ZMYM4: variants seen among roughly 807,000 people sequenced by gnomAD.
ZMYM4 encodes the protein zinc finger MYM-type protein 4.
ZMYM4 carries 31 observed loss-of-function variants against 183.2 expected under a neutral mutation model. That is an observed-to-expected ratio of 0.17 (90% CI 0.13 to 0.23). The LOEUF (loss-of-function observed/expected upper bound fraction) is 0.23. ZMYM4 is among the 10% of genes least tolerant of loss of function. ZMYM4 has a pLI of 1.00. For missense variants in ZMYM4, 1,273 were observed against 1,840.3 expected, an observed-to-expected ratio of 0.69 and a Z score of 5.64; for synonymous variants, 592 against 631.2, an observed-to-expected ratio of 0.94 and a Z score of 0.93.
intron 1 of ZMYM4, among the ~76,000 whole-genome samples, chr1:35,276,698 C>T (rs911737422): frequency 3.9e-5 from 6 of 152,092 alleles, no homozygotes; most frequent in African/African-American, 9.7e-5. Flanking sequence ...TCGTCCGTCT[C>T]CTGGGTTCAA....
At chr1:35,318,949 T>C (rs1192408651) in intron 1 of ZMYM4, among the ~76,000 whole-genome samples, 4 of 152,184 alleles carry the variant, frequency 2.6e-5, no homozygotes, top group African/African-American at 7.2e-5. Context: ...TGCAGTGGCA[T>C]GATGTTGGCT....
chr1:35,359,279 T>G lies in ZMYM4; in HGVS notation c.440T>G (p.Val147Gly). 3 of 1,607,956 alleles carry G rather than the reference T, an allele frequency of 1.9e-6. No individual in the cohort carries two copies. Among genetic ancestry groups the G allele is most frequent in the Non-Finnish European group, 2.5e-6 (3 of 1,178,350 alleles). Residue 147 changes from valine (V) to glycine (G), a missense_variant, in exon 3 of 30, where the codon GTC (valine) becomes GGC (glycine). This residue lies in a region of ZMYM4 where 384 missense variants were observed against 465.6 expected (regional missense o/e 0.82). Coordinates refer to ENST00000314607, the MANE Select transcript of ZMYM4 (RefSeq NM_005095.3). The stretch of plus-strand genomic sequence containing the variant: ...CCTAAACAATTTGATCAGGTTTCTG[T>G]CTTTAAATCAATACGGAAAGATTTT... ...DFPKQFDQVS[V>G]FKSIRKDFSL...
At chr1:35,408,904 GA>G (rs1459716782) in intron 26 of ZMYM4, among the ~76,000 whole-genome samples, 3 of 152,096 alleles carry the variant, frequency 2.0e-5, no homozygotes, top group Non-Finnish European at 2.9e-5. Flanking sequence ...ACTCCAAAGG[GA>G]AACCTCAAAC....
At chr1:35,312,526 C>G (rs1469254847) in intron 1 of ZMYM4, among the ~76,000 whole-genome samples, 1 of 152,186 alleles carries the variant, frequency 6.6e-6, no homozygotes, top group Non-Finnish European at 1.5e-5. Context: ...TTTTTAAAGT[C>G]TGCGTAGAAT....
At chr1:35,354,727 TAAAAAAAAAAAA>T (rs57493035) in intron 2 of ZMYM4, among the ~76,000 whole-genome samples, 4,381 of 84,172 alleles carry the variant, frequency 0.052, 319 homozygotes, top group East Asian at 0.34. Context: ...ACTTTGTCTT[TAAAAAAAAAAAA>T]AAAAAAAAAA....
At chr1:35,373,384 T>G (rs1279938814) in intron 7 of ZMYM4, among the ~76,000 whole-genome samples, 1 of 149,254 alleles carries the variant, frequency 6.7e-6, no homozygotes, top group Non-Finnish European at 1.5e-5. Flanking sequence ...TTTTTTCTTT[T>G]TTTTTTTTGA....
At chr1:35,304,559 A>G (rs553859390) in intron 1 of ZMYM4, among the ~76,000 whole-genome samples, 1 of 150,636 alleles carries the variant, frequency 6.6e-6, no homozygotes, top group East Asian at 2.0e-4. Context: ...CTGGGCTCAA[A>G]TCATCCTCCC....
intron 5 of ZMYM4, among the ~76,000 whole-genome samples, chr1:35,366,817 C>T (rs1644092064): frequency 6.6e-6 from 1 of 152,060 alleles, no homozygotes; most frequent in Non-Finnish European, 1.5e-5. Flanking sequence ...AGTTCAAGAC[C>T]AGCCTGGCCA....
Position 35,389,010 on chromosome 1 carries a change from T to C in ZMYM4, c.2364T>C (p.Asn788=). 6.2e-7 allele frequency: 1 copy of C among 1,614,116 alleles called. No individual in the cohort carries two copies. Among genetic ancestry groups the C allele is most frequent in the Non-Finnish European group, 8.5e-7 (1 of 1,179,992 alleles). ...AGACATCTCCCAAATTGGTACAGAA[T>C]AATTTAGGAGGGAAAGTGGAAGAGT... ...CLQTSPKLVQ[N]NLGGKVEEFC... Residue 788 remains asparagine, a synonymous_variant, in exon 14 of 30, where the codon AAT becomes AAC. Transcript: ENST00000314607. This position sits in a 1 kb window ranked among gnomAD's most constrained non-coding sequence, Gnocchi z 4.0.
At chr1:35,272,044 G>A (rs1639635500) in intron 1 of ZMYM4, among the ~76,000 whole-genome samples, 1 of 152,114 alleles carries the variant, frequency 6.6e-6, no homozygotes, top group South Asian at 2.1e-4. Context: ...AGAATGTTCG[G>A]TATGATTGTC....
intron 1 of ZMYM4, among the ~76,000 whole-genome samples, chr1:35,286,287 TTTACA>T (rs1640476419): frequency 6.6e-6 from 1 of 152,108 alleles, no homozygotes; most frequent in Non-Finnish European, 1.5e-5. Flanking sequence ...AACAATTTCA[TTTACA>T]TTAGAGTCAA....
At chr1:35,327,868 C>T (rs1051968399) in intron 2 of ZMYM4, among the ~76,000 whole-genome samples, 4 of 152,164 alleles carry the variant, frequency 2.6e-5, no homozygotes, top group South Asian at 2.1e-4. Context: ...TATGATTGGG[C>T]CAGCTTGAAT....
At chr1:35,285,160 G>A (rs1366040785) in intron 1 of ZMYM4, among the ~76,000 whole-genome samples, 1 of 151,764 alleles carries the variant, frequency 6.6e-6, no homozygotes. Flanking sequence ...TATTTGGGGT[G>A]TGTTGAAATT....
chr1:35,381,278 G>A lies in ZMYM4; in HGVS notation c.1201G>A (p.Asp401Asn). 1 of 1,598,502 alleles carries A rather than the reference G, an allele frequency of 6.3e-7. No homozygotes were observed. Among genetic ancestry groups the A allele is most frequent in the Non-Finnish European group, 8.5e-7 (1 of 1,172,902 alleles). The part of the protein sequence containing the change: ...SCSKDILNPK[D>N]VISAQFENTT... ...TTTTAGAGACATTTTAAATCCAAAG[G>A]ATGTGATCAGTGCCCAGTTTGAAAA... The change falls in exon 8 of 30, where the codon GAT becomes AAT. Residue 401 changes from aspartate (D) to asparagine (N), a missense_variant. This residue lies in a region of ZMYM4 where 384 missense variants were observed against 465.6 expected (regional missense o/e 0.82). Coordinates refer to ENST00000314607, the MANE Select transcript of ZMYM4 (RefSeq NM_005095.3).
intron 28 of ZMYM4, among the ~76,000 whole-genome samples, chr1:35,417,070 G>A (rs184225744): frequency 7.0e-4 from 106 of 152,086 alleles, no homozygotes; most frequent in African/African-American, 2.3e-3. Context: ...GTCCTATACC[G>A]GTTGTTAAGA....
chr1:35,374,019 CTTTTTTTTTTTTTTT>C (rs397863926), intron 7 of ZMYM4, among the ~76,000 whole-genome samples: 16 of 52,792 alleles, frequency 3.0e-4, no homozygotes, highest in South Asian at 7.2e-4. Flanking sequence ...TCATGGGATT[CTTTTTTTTTTTTTTT>C]TTTTTTTTTT....
intron 1 of ZMYM4, among the ~76,000 whole-genome samples, chr1:35,313,412 A>T: frequency 7.5e-6 from 1 of 134,022 alleles, no homozygotes; most frequent in African/African-American, 2.7e-5. Context: ...TTTTTGAGAC[A>T]GAGTCTCACT....
At chr1:35,277,351 A>G (rs1487225708) in intron 1 of ZMYM4, among the ~76,000 whole-genome samples, 2 of 152,248 alleles carry the variant, frequency 1.3e-5, no homozygotes, top group Admixed American at 6.5e-5. Flanking sequence ...TTTATTTGCA[A>G]TCAGACAATT....
At chr1:35,401,967 G>A (rs145849854) in intron 23 of ZMYM4, among the ~76,000 whole-genome samples, 3 of 152,174 alleles carry the variant, frequency 2.0e-5, no homozygotes, top group African/African-American at 7.2e-5. Flanking sequence ...TGACTTATAT[G>A]TCTATTTTTA....
Sources: gnomAD v4.1 joint callset for allele counts (sites outside exome capture counted in the v4.1 genomes callset) on GRCh38, gnomAD v4.1.1 for gene constraint, gnomAD v4.1.1 regional missense constraint, Gnocchi (gnomAD v3.1) non-coding constraint, MANE v1.5 for transcripts, NCBI Gene and HGNC (gene_info 2026-07-23, HGNC 2026-07-21) for gene names.